The following MAPKAP1 variants were observed in gnomAD, a reference collection of about 807,000 sequenced individuals.
MAPKAP1 encodes MAPK associated protein 1, also known as target of rapamycin complex 2 subunit MAPKAP1.
Under a neutral mutation model 65.7 loss-of-function variants are expected in MAPKAP1, and 20 were observed. The observed-to-expected ratio is 0.30, with a 90% CI of 0.21 to 0.44. The LOEUF (loss-of-function observed/expected upper bound fraction) is 0.44. Among genes scored for constraint, MAPKAP1 ranks in the 20% least tolerant of loss-of-function variants. The pLI is 1.00. For missense variants in MAPKAP1, 423 were observed against 648.0 expected (o/e 0.65, Z 3.77); for synonymous variants, 222 against 244.3 (o/e 0.91, Z 0.85).
intron 4 of MAPKAP1, among the ~76,000 whole-genome samples, chr9:125,615,538 CAAAAAA>C (rs58426049): frequency 0.48 from 53,151 of 111,568 alleles, 11,315 homozygotes; most frequent in Admixed American, 0.56. Context: ...ACTAAAAATA[CAAAAAA>C]AAAAAAAAAA....
chr9:125,518,393 TA>T (rs754450587), intron 7 of MAPKAP1, among the ~76,000 whole-genome samples: 1 of 152,092 alleles, frequency 6.6e-6, no homozygotes, highest in Non-Finnish European at 1.5e-5. Context: ...AATCCCACAT[TA>T]CATCTGTAAT....
chr9:125,686,908 C>T (rs1037121868), intron 1 of MAPKAP1, among the ~76,000 whole-genome samples: 1 of 151,698 alleles, frequency 6.6e-6, no homozygotes, highest in East Asian at 1.9e-4. Context: ...CTCACTGCAA[C>T]CTCTGCCTCC....
chr9:125,540,286 A>C (rs995294907), intron 7 of MAPKAP1, among the ~76,000 whole-genome samples: 1 of 152,252 alleles, frequency 6.6e-6, no homozygotes, highest in African/African-American at 2.4e-5. Flanking sequence ...CATTAGGCCT[A>C]CATTTTGATT....
At chr9:125,535,827 G>A (rs910108724) in intron 7 of MAPKAP1, among the ~76,000 whole-genome samples, 1 of 152,112 alleles carries the variant, frequency 6.6e-6, no homozygotes, top group Admixed American at 6.5e-5. Context: ...CCCAGGAGAA[G>A]GCTGTCTGAC....
chr9:125,598,894 G>C lies in MAPKAP1; in HGVS notation c.499-13167C>G, dbSNP rs945321189. 6.6e-5 allele frequency among the ~76,000 whole-genome samples: 10 copies of C among 152,018 alleles called. No homozygotes were observed. In the East Asian group the frequency reaches 9.7e-4, roughly 15 times the overall value. On this transcript the variant is annotated intron_variant, in intron 4 of 11. Coordinates refer to ENST00000265960, the MANE Select transcript of MAPKAP1 (RefSeq NM_001006617.3). ...GTCTCTACTAAAAATACAAAAAATA[G>C]CCAGGCGTGGTGGCAGGCACCTGTA... is the stretch of plus-strand genomic sequence containing the variant.
At position 125,541,031 on chromosome 9, in the gene MAPKAP1, C is replaced by T. The variant is rs116862617; in HGVS notation, c.958+2028G>A. Reference sequence around the variant, plus strand: ...AGAAAGAGCTTCTTTTGTTAAAAAGCTTTTTGGATTAAGAAAACGGACAGT... The same window carrying T: ...AGAAAGAGCTTCTTTTGTTAAAAAGTTTTTTGGATTAAGAAAACGGACAGT... On this transcript the variant is annotated intron_variant, in intron 7 of 11. Coordinates refer to ENST00000265960, the MANE Select transcript of MAPKAP1 (RefSeq NM_001006617.3). Among the ~76,000 whole-genome samples, 942 of 152,258 alleles carry T rather than the reference C, an allele frequency of 6.2e-3. 4 individuals are homozygous for T. Among genetic ancestry groups the T allele is most frequent in the Middle Eastern group, 0.034 (10 of 294 alleles).
intron 10 of MAPKAP1, among the ~76,000 whole-genome samples, chr9:125,446,070 G>A (rs562961304): frequency 6.6e-6 from 1 of 152,190 alleles, no homozygotes; most frequent in East Asian, 1.9e-4. Flanking sequence ...TTGAAGCAGC[G>A]GCTGGTCATA....
chr9:125,651,299 G>T (rs1833885708), intron 4 of MAPKAP1, among the ~76,000 whole-genome samples: 1 of 152,154 alleles, frequency 6.6e-6, no homozygotes, highest in Non-Finnish European at 1.5e-5. Flanking sequence ...ATCATGTTGA[G>T]ACTTTTCTTT....
At chr9:125,639,772 C>T (rs369346023) in intron 4 of MAPKAP1, among the ~76,000 whole-genome samples, 1 of 152,128 alleles carries the variant, frequency 6.6e-6, no homozygotes, top group East Asian at 1.9e-4. Flanking sequence ...GTTTACATGG[C>T]AGCAGATACA....
chr9:125,611,079 C>T (rs969604508), intron 4 of MAPKAP1, among the ~76,000 whole-genome samples: 2 of 152,096 alleles, frequency 1.3e-5, no homozygotes, highest in Admixed American at 6.5e-5. Context: ...GAGAATGTCG[C>T]TAGGAGTGAA....
chr9:125,489,916 C>T (rs1258548380), intron 8 of MAPKAP1, among the ~76,000 whole-genome samples: 1 of 152,198 alleles, frequency 6.6e-6, no homozygotes. Flanking sequence ...CAGGGTTCCA[C>T]TGTTAGGAAA....
chr9:125,641,496 A>C (rs1431012161), intron 4 of MAPKAP1, among the ~76,000 whole-genome samples: 2 of 152,228 alleles, frequency 1.3e-5, no homozygotes, highest in Non-Finnish European at 2.9e-5. Context: ...TTCTCTAAAC[A>C]GAACTGGGTG....
chr9:125,629,508 C>CA (rs1200846818), intron 4 of MAPKAP1, among the ~76,000 whole-genome samples: 2 of 152,154 alleles, frequency 1.3e-5, no homozygotes, highest in African/African-American at 4.8e-5. Flanking sequence ...CAGAAAAAGA[C>CA]AAATACTGCA....
intron 10 of MAPKAP1, among the ~76,000 whole-genome samples, chr9:125,465,639 G>A (rs1371563995): frequency 6.6e-6 from 1 of 152,234 alleles, no homozygotes; most frequent in Non-Finnish European, 1.5e-5. Flanking sequence ...AACATTCAGT[G>A]AGGACAACTC....
chr9:125,524,623 G>C (rs979906159), intron 7 of MAPKAP1, among the ~76,000 whole-genome samples: 3 of 152,210 alleles, frequency 2.0e-5, no homozygotes, highest in African/African-American at 7.2e-5. Flanking sequence ...AGGAGACGTG[G>C]CTGTCAGCCA....
chr9:125,594,385 C>A (rs576547560), intron 4 of MAPKAP1, among the ~76,000 whole-genome samples: 1 of 152,200 alleles, frequency 6.6e-6, no homozygotes, highest in Non-Finnish European at 1.5e-5. Flanking sequence ...AGAGCACAGA[C>A]TCGGGGTCAG....
At chr9:125,442,125 T>C (rs1402012764) in intron 11 of MAPKAP1, among the ~76,000 whole-genome samples, 4 of 77,330 alleles carry the variant, frequency 5.2e-5, no homozygotes, top group African/African-American at 3.1e-4. Flanking sequence ...TGAGACTCTG[T>C]CTCAAAAAAA....
chr9:125,672,639 C>T lies in MAPKAP1; in HGVS notation c.-65G>A. ...CTCTTCATATTGTTTCACGAGCTCA[C>T]CTACCTAGAAACATGATGTACACAG... On this transcript the variant is annotated 5_prime_UTR_variant, in exon 2 of 12. It adds an upstream start codon to the 5' untranslated region. Coordinates refer to ENST00000265960, the MANE Select transcript of MAPKAP1 (RefSeq NM_001006617.3). 6.4e-7 allele frequency: 1 copy of T among 1,554,960 alleles called. No individual in the cohort carries two copies. Among genetic ancestry groups the T allele is most frequent in the Non-Finnish European group, 8.8e-7 (1 of 1,137,184 alleles).
rs530043834 is a variant in MAPKAP1, at chr9:125,473,665, C to G, written c.1208-5556G>C. 7.5e-4 allele frequency among the ~76,000 whole-genome samples: 114 copies of G among 152,320 alleles called. 2 individuals carry two copies. In the South Asian group the frequency reaches 0.021, roughly 28 times the overall value. ...AGATTTCCATAAAAGGAAATTAGCA[C>G]CGCGTAGCATCTTCTTCTAACACAG... On this transcript the variant is annotated intron_variant, in intron 9 of 11. Transcript: ENST00000265960.
Sources: allele counts gnomAD v4.1 joint callset (sites outside exome capture counted in the v4.1 genomes callset), GRCh38; gene constraint gnomAD v4.1.1; transcripts MANE v1.5; gene names NCBI Gene and HGNC (gene_info 2026-07-23, HGNC 2026-07-21).